The following RAD54L2 variants were observed in gnomAD, a reference collection of about 807,000 sequenced individuals.
The protein encoded by RAD54L2 is RAD54 like 2.
Under a neutral mutation model 138.4 loss-of-function variants are expected in RAD54L2, and 27 were observed. The ratio of observed to expected loss-of-function variants is 0.20; its 90% CI spans 0.14 to 0.27. The LOEUF (loss-of-function observed/expected upper bound fraction) is 0.27. Among genes scored for constraint, RAD54L2 ranks in the 10% least tolerant of loss-of-function variants. The pLI, the probability that RAD54L2 is intolerant of heterozygous loss-of-function variation, is 1.00. For missense variants in RAD54L2, 1,396 were observed against 1,890.2 expected (o/e 0.74, Z 4.85); for synonymous variants, 644 against 723.2 (o/e 0.89, Z 1.76).
At chr3:51,604,676 A>G (rs1367693115) in intron 3 of RAD54L2, among the ~76,000 whole-genome samples, 1 of 152,236 alleles carries the variant, frequency 6.6e-6, no homozygotes, top group Non-Finnish European at 1.5e-5. Context: ...AGGTGACTAA[A>G]TAGCGGAAGA....
intron 2 of RAD54L2, among the ~76,000 whole-genome samples, chr3:51,557,491 C>T (rs1026530972): frequency 6.6e-6 from 1 of 151,620 alleles, no homozygotes; most frequent in African/African-American, 2.4e-5. Context: ...CTGTTGTTGG[C>T]ATATTTTAAA....
rs772433430 is a variant in RAD54L2, at chr3:51,646,279, C to G, written c.2830-6C>G. ...TAACTAAATCAACATCCTCCTGTGT[C>G]CCCAGGAGCCTTTCGAGCATGAGTC... On this transcript the variant is annotated splice_polypyrimidine_tract_variant and splice_region_variant and intron_variant, in intron 18 of 22. Transcript: ENST00000684192. The G allele has an allele frequency of 2.7e-5, 42 of 1,572,248 alleles. No individual in the cohort carries two copies. Among genetic ancestry groups the G allele is most frequent in the Non-Finnish European group, 3.5e-5 (41 of 1,158,698 alleles).
intron 2 of RAD54L2, among the ~76,000 whole-genome samples, chr3:51,588,350 C>G (rs1287613748): frequency 1.3e-5 from 2 of 151,236 alleles, no homozygotes; most frequent in Admixed American, 1.3e-4. Flanking sequence ...GCCTGGCCAA[C>G]ATGGTAAAAC....
At chr3:51,610,775 G>A (rs1200520592) in intron 3 of RAD54L2, among the ~76,000 whole-genome samples, 1 of 152,106 alleles carries the variant, frequency 6.6e-6, no homozygotes, top group Non-Finnish European at 1.5e-5. Context: ...GAGCTTTCTG[G>A]GTCTCCTTGA....
intron 2 of RAD54L2, among the ~76,000 whole-genome samples, chr3:51,566,708 C>G (rs1162985911): frequency 2.0e-5 from 3 of 151,838 alleles, no homozygotes; most frequent in African/African-American, 7.3e-5. Flanking sequence ...TTTGTACATT[C>G]AGTTTGTGAG....
At chr3:51,598,023 G>T (rs944366562) in intron 3 of RAD54L2, among the ~76,000 whole-genome samples, 2 of 150,840 alleles carry the variant, frequency 1.3e-5, no homozygotes, top group African/African-American at 4.9e-5. Context: ...CTGAGAGAGA[G>T]AGAAAGAAAA....
At chr3:51,636,714 A>T (rs1700989874) in intron 10 of RAD54L2, among the ~76,000 whole-genome samples, 1 of 152,220 alleles carries the variant, frequency 6.6e-6, no homozygotes. Context: ...GAGGCAGATC[A>T]TGAGGTCAGG....
intron 2 of RAD54L2, among the ~76,000 whole-genome samples, chr3:51,570,236 C>A (rs1446122698): frequency 6.9e-6 from 1 of 144,524 alleles, no homozygotes; most frequent in African/African-American, 2.6e-5. Flanking sequence ...GTCTGCCTCC[C>A]GGGTTCTAGC....
At chr3:51,643,328 C>T (rs903622874) in intron 15 of RAD54L2, among the ~76,000 whole-genome samples, 1 of 152,236 alleles carries the variant, frequency 6.6e-6, no homozygotes, top group African/African-American at 2.4e-5. Context: ...CCACTGTGCC[C>T]GGCCCTAAAG....
At chr3:51,579,235 T>A (rs529723403) in intron 2 of RAD54L2, among the ~76,000 whole-genome samples, 5 of 150,242 alleles carry the variant, frequency 3.3e-5, no homozygotes, top group Non-Finnish European at 7.4e-5. Context: ...CAGTCTTGGC[T>A]CACTGCAAGC....
At chr3:51,541,848 TAATA>T (rs1386078515) in intron 2 of RAD54L2, 198 bp downstream of exon 2, 1 of 152,196 alleles carries the variant, frequency 6.6e-6, no homozygotes, top group Non-Finnish European at 1.5e-5. Context: ...GGTATTTAAA[TAATA>T]AATGAATTCT....
rs369523722 is a variant in RAD54L2 at position 51,600,896 on chromosome 3, G to A, written c.139+10337G>A. ...ACAGGAGAATCGCTTGAACCCAGGAGGCGGAGGTTGCAGTGAGCCAAGATC... is the reference window on the plus strand; with the variant it reads ...ACAGGAGAATCGCTTGAACCCAGGAAGCGGAGGTTGCAGTGAGCCAAGATC... On this transcript the variant is annotated intron_variant, in intron 3 of 22. Coordinates refer to ENST00000684192, the MANE Select transcript of RAD54L2 (RefSeq NM_015106.4). Among the ~76,000 whole-genome samples the A allele has an allele frequency of 1.1e-4, 17 of 152,230 alleles. No individual in the cohort carries two copies. The East Asian group carries it at 3.3e-3, about 29-fold the overall frequency.
intron 2 of RAD54L2, among the ~76,000 whole-genome samples, chr3:51,546,135 C>T (rs532978689): frequency 1.1e-4 from 16 of 151,182 alleles, no homozygotes; most frequent in East Asian, 4.0e-4. Context: ...GACAGGGTTT[C>T]GCCATGTTGG....
chr3:51,582,766 C>CTTTTTTTTTTTT (rs61245532), intron 2 of RAD54L2, among the ~76,000 whole-genome samples: 57 of 147,316 alleles, frequency 3.9e-4, no homozygotes, highest in African/African-American at 1.4e-3. Flanking sequence ...CCAGGGAAGT[C>CTTTTTTTTTTTT]TTTTTTTTTT....
chr3:51,552,529 T>TG (rs1220140769), intron 2 of RAD54L2, among the ~76,000 whole-genome samples: 4 of 151,178 alleles, frequency 2.6e-5, no homozygotes, highest in African/African-American at 9.7e-5. Context: ...CCCAAAGTGT[T>TG]GGGATTACAG....
At chr3:51,642,330 C>CTT (rs367658494) in intron 15 of RAD54L2, among the ~76,000 whole-genome samples, 2,973 of 130,610 alleles carry the variant, frequency 0.023, 111 homozygotes, top group African/African-American at 0.078. Context: ...AGGGGATGAA[C>CTT]TTTTTTTTTT....
At chr3:51,653,187 T>C (rs1224686950) in intron 19 of RAD54L2, among the ~76,000 whole-genome samples, 1 of 152,184 alleles carries the variant, frequency 6.6e-6, no homozygotes, top group Non-Finnish European at 1.5e-5. Flanking sequence ...AAAATGTTCA[T>C]CATCACTGGC....
chr3:51,541,040 C>CAAAAAAAAAAAAAAAAAAAAAAAAAA (rs3051038), intron 1 of RAD54L2: 1 of 83,762 alleles, frequency 1.2e-5, no homozygotes. Context: ...GACTCTGACT[C>CAAAAAAAAAAAAAAAAAAAAAAAAAA]AAAAAAAAAA....
At chr3:51,639,306 C>A in intron 12 of RAD54L2, 113 bp from the exon 13 acceptor site, 1 of 1,295,334 alleles carries the variant, frequency 7.7e-7, no homozygotes, top group Non-Finnish European at 1.1e-6. Flanking sequence ...TTTGGTGTGA[C>A]AGTGTTTATT....
Sources: gnomAD v4.1 joint callset for allele counts (sites outside exome capture counted in the v4.1 genomes callset) on GRCh38, gnomAD v4.1.1 for gene constraint, MANE v1.5 for transcripts, NCBI Gene and HGNC (gene_info 2026-07-23, HGNC 2026-07-21) for gene names.